The following LAMC1 variants were observed in gnomAD, a reference collection of about 807,000 sequenced individuals.
LAMC1 encodes laminin subunit gamma-1.
Under a neutral mutation model 173.6 loss-of-function variants are expected in LAMC1, and 38 were observed. The ratio of observed to expected loss-of-function variants is 0.22; its 90% CI spans 0.17 to 0.29. LAMC1 has a LOEUF of 0.29. Among genes scored for constraint, LAMC1 ranks in the 10% least tolerant of loss-of-function variants. LAMC1 has a pLI of 1.00. For synonymous variants in LAMC1, 746 were observed against 749.1 expected, an observed-to-expected ratio of 1.00 and a Z score of 0.07; for missense variants, 1,824 against 2,051.8, an observed-to-expected ratio of 0.89 and a Z score of 2.14.
intron 1 of LAMC1, among the ~76,000 whole-genome samples, chr1:183,060,448 C>T (rs976086013): frequency 5.9e-5 from 9 of 151,772 alleles, no homozygotes; most frequent in Admixed American, 6.6e-5. Flanking sequence ...CCTGCATTTG[C>T]CATCCTTTAA....
intron 1 of LAMC1, among the ~76,000 whole-genome samples, chr1:183,071,068 G>A (rs2102040572): frequency 6.6e-6 from 1 of 151,854 alleles, no homozygotes; most frequent in East Asian, 1.9e-4. Context: ...TTATATGTCA[G>A]GAAGCTGGGT....
Position 183,091,374 on chromosome 1 carries a change from G to A in LAMC1, c.419-11954G>A, listed in dbSNP as rs777963409. Among the ~76,000 whole-genome samples, 121 of 152,174 alleles carry A rather than the reference G, an allele frequency of 8.0e-4. 1 individual carries two copies. The Middle Eastern group carries it at 0.024, about 30-fold the overall frequency. On this transcript the variant is annotated intron_variant, in intron 1 of 27. Coordinates refer to ENST00000258341, the MANE Select transcript of LAMC1 (RefSeq NM_002293.4). ...AGCCAGAAAAGCAGCGATAAACAGT[G>A]TAAAGCATTGTTTACAAAAATAGGT... is the stretch of plus-strand genomic sequence containing the variant.
rs1368422716 is a variant in LAMC1 at position 183,135,200 on chromosome 1, GA to G, written c.4114+45del. ...ACAGGGGCAAATGCTTCCGCCACTA[GA>G]GTGATTTTTTTTTTTAATCATGACT... On this transcript the variant is annotated intron_variant, in intron 24 of 27. Coordinates refer to ENST00000258341, the MANE Select transcript of LAMC1 (RefSeq NM_002293.4). 16 of 1,183,584 alleles carry G rather than the reference GA, an allele frequency of 1.4e-5. No homozygotes were observed. The African/African-American group carries it at 2.5e-4, about 19-fold the overall frequency. 73.3% of individuals were successfully genotyped at this position (1,183,584 alleles called of 1,614,324 possible).
At position 183,136,579 on chromosome 1, in the gene LAMC1, C is replaced by T; in HGVS notation, c.4308C>T (p.Val1436=). The change falls in exon 25 of 28, where the codon GTC becomes GTT. Residue 1436 remains valine (V), a synonymous_variant. Coordinates refer to ENST00000258341, the MANE Select transcript of LAMC1 (RefSeq NM_002293.4). ...AGGCGGAGAGGATCGCGAGCGCTGT[C>T]CAAAAGGTGTGCGTTTCCTCTTCTC... ...AHEAERIASA[V]QKNATSTKAE... 6.3e-7 allele frequency: 1 copy of T among 1,599,782 alleles called. No individual in the cohort carries two copies. The highest frequency in any genetic ancestry group is 1.1e-5 in the South Asian group (1 of 89,458).
chr1:183,026,411 C>G (rs1008427593), intron 1 of LAMC1, among the ~76,000 whole-genome samples: 2 of 151,990 alleles, frequency 1.3e-5, no homozygotes, highest in African/African-American at 4.8e-5. Flanking sequence ...TGTCCTCCCC[C>G]CCCCTTTAAT....
chr1:183,088,013 A>G (rs571781886), intron 1 of LAMC1, among the ~76,000 whole-genome samples: 10 of 151,988 alleles, frequency 6.6e-5, no homozygotes, highest in African/African-American at 1.4e-4. Flanking sequence ...GGGTTTCTCT[A>G]TGTTGGTCAG....
chr1:183,130,292 G>A (rs369936016), intron 18 of LAMC1, 52 bp from the exon 19 acceptor site: 78 of 1,463,858 alleles, frequency 5.3e-5, no homozygotes, highest in Non-Finnish European at 6.7e-6. Flanking sequence ...CATGTGAGAT[G>A]ATATGATCCT....
At chr1:183,127,501 A>T in intron 17 of LAMC1, 97 bp downstream of exon 17, 1 of 1,016,224 alleles carries the variant, frequency 9.8e-7, no homozygotes. Context: ...TGAACAAGGT[A>T]GATGTGGTCC....
intron 4 of LAMC1, 34 bp downstream of exon 4, chr1:183,110,688 C>G (rs1243289541): frequency 1.9e-6 from 3 of 1,602,620 alleles, no homozygotes; most frequent in South Asian, 1.1e-5. Flanking sequence ...TGTCAGTTGT[C>G]TTAAGGACTT....
chr1:183,060,793 T>C (rs1366427749), intron 1 of LAMC1, among the ~76,000 whole-genome samples: 2 of 152,222 alleles, frequency 1.3e-5, no homozygotes, highest in East Asian at 1.9e-4. Context: ...TAAGTTGATA[T>C]AACAGTATGA....
chr1:183,129,670 AC>A (rs1438839691), intron 18 of LAMC1, among the ~76,000 whole-genome samples: 1 of 151,988 alleles, frequency 6.6e-6, no homozygotes, highest in African/African-American at 2.4e-5. Flanking sequence ...TATTAATAAA[AC>A]CTCATGATAC....
At position 183,023,879 on chromosome 1, in the gene LAMC1, G is replaced by A; in HGVS notation, c.163G>A (p.Val55Ile). Residue 55 changes from valine (V) to isoleucine (I), a missense_variant, in exon 1 of 28, where the codon GTC becomes ATC. Coordinates refer to ENST00000258341, the MANE Select transcript of LAMC1 (RefSeq NM_002293.4). ...GRPQRCMPEF[V>I]NAAFNVTVVA... ...GCCGCAGCGCTGCATGCCCGAGTTC[G>A]TCAACGCCGCCTTCAACGTGACTGT... 2 of 1,612,378 alleles carry A rather than the reference G, an allele frequency of 1.2e-6. No homozygotes were observed. Among genetic ancestry groups the A allele is most frequent in the Non-Finnish European group, 1.7e-6 (2 of 1,179,564 alleles).
chr1:183,120,162 T>G (rs1332199953), intron 11 of LAMC1, among the ~76,000 whole-genome samples: 1 of 88,750 alleles, frequency 1.1e-5, no homozygotes, highest in Non-Finnish European at 2.2e-5. Flanking sequence ...AGAGTGGATC[T>G]ATCTCAAAAA....
At chr1:183,068,464 T>A (rs1387076065) in intron 1 of LAMC1, among the ~76,000 whole-genome samples, 1 of 152,156 alleles carries the variant, frequency 6.6e-6, no homozygotes, top group Non-Finnish European at 1.5e-5. Context: ...GTTCTTCAAA[T>A]TAGTTAAGAA....
intron 11 of LAMC1, 111 bp from the exon 12 acceptor site, chr1:183,121,612 G>A: frequency 1.2e-6 from 1 of 845,858 alleles, no homozygotes; most frequent in Non-Finnish European, 1.8e-6. Flanking sequence ...TTAAGCAAAT[G>A]GCTAATTTTC....
chr1:183,112,224 C>T (rs886074846), intron 4 of LAMC1, among the ~76,000 whole-genome samples: 1 of 152,200 alleles, frequency 6.6e-6, no homozygotes, highest in Non-Finnish European at 1.5e-5. Flanking sequence ...GCTTGACCTT[C>T]TTTAATTCCA....
chr1:183,038,551 A>G (rs1046326982), intron 1 of LAMC1, among the ~76,000 whole-genome samples: 2 of 110,934 alleles, frequency 1.8e-5, no homozygotes, highest in African/African-American at 5.7e-5. Context: ...GAGAGAATGA[A>G]GGGATAATGA....
intron 24 of LAMC1, 140 bp downstream of exon 24, chr1:183,135,296 C>G: frequency 1.6e-6 from 1 of 628,704 alleles, no homozygotes; most frequent in Non-Finnish European, 2.8e-6. Context: ...AAGGGAAATC[C>G]CAGAGCTCCT....
At chr1:183,075,431 ATC>A (rs1655101273) in intron 1 of LAMC1, among the ~76,000 whole-genome samples, 2 of 152,062 alleles carry the variant, frequency 1.3e-5, no homozygotes, top group Admixed American at 1.3e-4. Context: ...GATGTTTTTA[ATC>A]TCTTTACAAG....
Sources: gnomAD v4.1 joint callset for allele counts (sites outside exome capture counted in the v4.1 genomes callset) on GRCh38, gnomAD v4.1.1 for gene constraint, MANE v1.5 for transcripts, NCBI Gene and HGNC (gene_info 2026-07-23, HGNC 2026-07-21) for gene names.